AUTS2: variants seen among roughly 807,000 people sequenced by gnomAD.
AUTS2 encodes activator of transcription and developmental regulator AUTS2.
In AUTS2, 17 loss-of-function variants were observed where a neutral mutation model predicts 112.4. The observed-to-expected ratio is 0.15, with a 90% confidence interval of 0.10 to 0.23. The LOEUF (loss-of-function observed/expected upper bound fraction) is 0.23, where lower values mean the gene tolerates loss of function less well. Ranked by LOEUF, AUTS2 falls within the 10% of genes least tolerant of loss-of-function variation. AUTS2 has a pLI of 1.00. For missense variants in AUTS2, 1,510 were observed against 1,701.6 expected (o/e 0.89, Z 1.98); for synonymous variants, 751 against 702.7 (o/e 1.07, Z -1.09).
At chr7:70,494,072 C>T (rs895441138) in intron 5 of AUTS2, among the ~76,000 whole-genome samples, 2 of 152,140 alleles carry the variant, frequency 1.3e-5, no homozygotes, top group South Asian at 4.1e-4. Flanking sequence ...GATTTGAAAT[C>T]GGCGTCCTCT....
At chr7:70,478,939 G>A (rs955954877) in intron 5 of AUTS2, among the ~76,000 whole-genome samples, 1 of 152,002 alleles carries the variant, frequency 6.6e-6, no homozygotes, top group Non-Finnish European at 1.5e-5. Flanking sequence ...TATGTCGCCA[G>A]ACCCTTAACT....
intron 4 of AUTS2, among the ~76,000 whole-genome samples, chr7:70,319,613 G>A (rs566242626): frequency 2.0e-5 from 3 of 152,242 alleles, no homozygotes; most frequent in South Asian, 4.2e-4. Context: ...GGTTTTAGTC[G>A]AAACAAATTA....
rs977635717 is a variant in AUTS2, at chr7:69,943,087, G to A, written c.522+43589G>A. On this transcript the variant is annotated intron_variant, in intron 2 of 18. Coordinates refer to ENST00000342771, the MANE Select transcript of AUTS2 (RefSeq NM_015570.4). ...TACAGTTACATTGATATGTGTTTGC[G>A]TTATATATGTATGTATTCACACAGA... is the stretch of plus-strand genomic sequence containing the variant. Among the ~76,000 whole-genome samples, 5 of 152,218 alleles carry A rather than the reference G, an allele frequency of 3.3e-5. No individual in the cohort carries two copies. In the East Asian group the frequency reaches 5.8e-4, roughly 18 times the overall value.
chr7:70,032,044 TGACTAA>T (rs1014877279), intron 2 of AUTS2, among the ~76,000 whole-genome samples: 2 of 152,194 alleles, frequency 1.3e-5, no homozygotes, highest in Non-Finnish European at 2.9e-5. Context: ...TTAACGTTTC[TGACTAA>T]AGTCTTGGCA....
At chr7:70,221,918 A>G (rs1320545063) in intron 4 of AUTS2, among the ~76,000 whole-genome samples, 2 of 152,044 alleles carry the variant, frequency 1.3e-5, no homozygotes, top group Admixed American at 1.3e-4. Flanking sequence ...AGAATCTATC[A>G]TTTGGGTTTG....
chr7:70,099,532 C>T (rs1353563837), intron 2 of AUTS2, among the ~76,000 whole-genome samples: 1 of 150,282 alleles, frequency 6.7e-6, no homozygotes, highest in Non-Finnish European at 1.5e-5. Context: ...AAATACAATT[C>T]ACAATGAGCA....
At chr7:70,112,865 A>G (rs1178366256) in intron 2 of AUTS2, among the ~76,000 whole-genome samples, 1 of 152,050 alleles carries the variant, frequency 6.6e-6, no homozygotes, top group Non-Finnish European at 1.5e-5. Context: ...ATGTATTTAT[A>G]TTATTATCAG....
intron 4 of AUTS2, among the ~76,000 whole-genome samples, chr7:70,325,180 C>T (rs1032306004): frequency 6.6e-6 from 1 of 152,050 alleles, no homozygotes; most frequent in Non-Finnish European, 1.5e-5. Context: ...GAAATCATTA[C>T]AGGCATTGTG....
chr7:69,723,043 G>A (rs1799047210), intron 1 of AUTS2, among the ~76,000 whole-genome samples: 1 of 152,042 alleles, frequency 6.6e-6, no homozygotes, highest in Admixed American at 6.6e-5. Flanking sequence ...AAGCAAGAGG[G>A]AGGATTGAGT....
intron 4 of AUTS2, among the ~76,000 whole-genome samples, chr7:70,301,538 G>GCA (rs1433381850): frequency 1.3e-5 from 2 of 152,086 alleles, no homozygotes; most frequent in Non-Finnish European, 2.9e-5. Flanking sequence ...TTGAAGACGT[G>GCA]CAACATTTGT....
chr7:70,001,063 C>G (rs1354858183), intron 2 of AUTS2, among the ~76,000 whole-genome samples: 1 of 152,126 alleles, frequency 6.6e-6, no homozygotes, highest in East Asian at 1.9e-4. Flanking sequence ...GGAAAAATAG[C>G]TAGTACTAGC....
chr7:70,557,349 T>C (rs552153867), intron 5 of AUTS2, among the ~76,000 whole-genome samples: 9 of 152,254 alleles, frequency 5.9e-5, no homozygotes, highest in African/African-American at 1.2e-4. Flanking sequence ...CCCCTGGACT[T>C]TCAGCTGGCC....
chr7:69,925,480 T>G lies in AUTS2; in HGVS notation c.522+25982T>G, dbSNP rs572519743. On this transcript the variant is annotated intron_variant, in intron 2 of 18. Coordinates refer to ENST00000342771, the MANE Select transcript of AUTS2 (RefSeq NM_015570.4). ...AGTTTAGAGTACTTTCTGATTTCCC[T>G]TGTGACTTCTAATTGAAACACTCCA... is the stretch of plus-strand genomic sequence containing the variant. 1.1e-4 allele frequency among the ~76,000 whole-genome samples: 17 copies of G among 152,340 alleles called. No homozygotes were observed. In the South Asian group the frequency reaches 3.3e-3, roughly 30 times the overall value.
At chr7:69,857,635 C>T (rs1403821125) in intron 1 of AUTS2, among the ~76,000 whole-genome samples, 2 of 152,086 alleles carry the variant, frequency 1.3e-5, no homozygotes, top group Admixed American at 1.3e-4. Context: ...ACATAGCAGC[C>T]TCTAAGTGTA....
At chr7:70,306,805 G>C (rs1320396733) in intron 4 of AUTS2, among the ~76,000 whole-genome samples, 1 of 152,230 alleles carries the variant, frequency 6.6e-6, no homozygotes, top group Admixed American at 6.5e-5. Context: ...GGTTTGATTA[G>C]ATATTGAGAA....
chr7:70,277,320 G>C (rs1452585534), intron 4 of AUTS2, among the ~76,000 whole-genome samples: 1 of 152,196 alleles, frequency 6.6e-6, no homozygotes, highest in African/African-American at 2.4e-5. Context: ...GGAACCTTCA[G>C]CAAGGTGAGA....
At chr7:70,668,612 T>C (rs534868404) in intron 5 of AUTS2, among the ~76,000 whole-genome samples, 2 of 152,342 alleles carry the variant, frequency 1.3e-5, no homozygotes, top group African/African-American at 4.8e-5. Context: ...CTGACAGGCA[T>C]GTTCTGCTAA....
At chr7:70,617,620 A>G (rs533156702) in intron 5 of AUTS2, among the ~76,000 whole-genome samples, 1 of 151,920 alleles carries the variant, frequency 6.6e-6, no homozygotes, top group South Asian at 2.1e-4. Flanking sequence ...CTGAGATCAC[A>G]CCACTGCACA....
At position 70,096,384 on chromosome 7, in the gene AUTS2, G is replaced by C. The variant is rs1804200542; in HGVS notation, c.523-21748G>C. Among the ~76,000 whole-genome samples the C allele has an allele frequency of 2.6e-5, 4 of 151,864 alleles. 1 individual carries two copies. The South Asian group carries it at 8.3e-4, about 32-fold the overall frequency. On this transcript the variant is annotated intron_variant, in intron 2 of 18. Coordinates refer to ENST00000342771, the MANE Select transcript of AUTS2 (RefSeq NM_015570.4). ...GGCTGAGGTGGGTGGAGCGCCTAAG[G>C]TCAGGAGTTGGAGACCAGCCTCGCC... is the stretch of plus-strand genomic sequence containing the variant.
Sources: allele counts gnomAD v4.1 joint callset (sites outside exome capture counted in the v4.1 genomes callset), GRCh38; gene constraint gnomAD v4.1.1; transcripts MANE v1.5; gene names NCBI Gene and HGNC (gene_info 2026-07-23, HGNC 2026-07-21).